ADAMTS18: variants seen among roughly 807,000 people sequenced by gnomAD.
The protein encoded by ADAMTS18 is A disintegrin and metalloproteinase with thrombospondin motifs 18.
A neutral mutation model predicts 165.9 loss-of-function variants in ADAMTS18; 157 were observed. That is an observed-to-expected ratio of 0.95 (90% CI 0.83 to 1.08). ADAMTS18 has a LOEUF of 1.08. ADAMTS18 is among the 50% of genes least tolerant of loss of function. The pLI is 0.00. For synonymous variants in ADAMTS18, 782 were observed against 578.2 expected (o/e 1.35, Z -5.06); for missense variants, 2,040 against 1,534.0 (o/e 1.33, Z -5.51).
chr16:77,312,388 C>T (rs1311780156), intron 16 of ADAMTS18, among the ~76,000 whole-genome samples: 1 of 152,146 alleles, frequency 6.6e-6, no homozygotes, highest in Non-Finnish European at 1.5e-5. Context: ...TAGGCGCCCG[C>T]CACCATGCCC....
At chr16:77,391,785 A>G (rs2057190982) in intron 3 of ADAMTS18, among the ~76,000 whole-genome samples, 2 of 152,206 alleles carry the variant, frequency 1.3e-5, no homozygotes, top group Non-Finnish European at 2.9e-5. Context: ...TTGTTAATGA[A>G]GGGGTCAGGC....
intron 12 of ADAMTS18, among the ~76,000 whole-genome samples, chr16:77,327,996 C>T (rs953991619): frequency 2.4e-4 from 37 of 152,220 alleles, no homozygotes; most frequent in African/African-American, 8.4e-4. Context: ...AGAGGGAAAA[C>T]ATTCTCTTGT....
chr16:77,395,960 G>A (rs1307907354), intron 3 of ADAMTS18, among the ~76,000 whole-genome samples: 1 of 152,138 alleles, frequency 6.6e-6, no homozygotes, highest in Non-Finnish European at 1.5e-5. Flanking sequence ...CTATGAGTCA[G>A]GCAGGGTACC....
At chr16:77,402,071 G>C (rs961312496) in intron 3 of ADAMTS18, among the ~76,000 whole-genome samples, 1 of 152,146 alleles carries the variant, frequency 6.6e-6, no homozygotes, top group Non-Finnish European at 1.5e-5. Flanking sequence ...ATAGTGGCAC[G>C]AGCCAATCCC....
intron 3 of ADAMTS18, among the ~76,000 whole-genome samples, chr16:77,417,009 T>G (rs912655141): frequency 4.6e-5 from 7 of 152,182 alleles, no homozygotes; most frequent in Non-Finnish European, 8.8e-5. Flanking sequence ...ACAGAGGCAG[T>G]TGCTTACATT....
At chr16:77,363,938 G>C (rs2056753804) in intron 5 of ADAMTS18, 53 bp from the exon 6 acceptor site, 1 of 1,543,762 alleles carries the variant, frequency 6.5e-7, no homozygotes, top group Non-Finnish European at 8.9e-7. Context: ...AAACCTTAGG[G>C]GGAATCAATC....
At chr16:77,356,859 C>T (rs887169081) in intron 8 of ADAMTS18, among the ~76,000 whole-genome samples, 4 of 152,016 alleles carry the variant, frequency 2.6e-5, no homozygotes, top group Non-Finnish European at 5.9e-5. Context: ...AATGTGCATA[C>T]CCACATAGGA....
intron 3 of ADAMTS18, among the ~76,000 whole-genome samples, chr16:77,385,410 G>A (rs183845641): frequency 9.4e-4 from 143 of 152,244 alleles, no homozygotes; most frequent in Non-Finnish European, 1.2e-3. Context: ...TAACTAAGCT[G>A]GTGCTGCATA....
intron 16 of ADAMTS18, among the ~76,000 whole-genome samples, chr16:77,306,745 T>A (rs1267809462): frequency 6.6e-6 from 1 of 152,202 alleles, no homozygotes; most frequent in African/African-American, 2.4e-5. Context: ...GCATTGTACA[T>A]GCATTATCTC....
At chr16:77,325,706 TAAACA>T (rs1475504537) in intron 13 of ADAMTS18, among the ~76,000 whole-genome samples, 155 bp downstream of exon 13, 1 of 146,718 alleles carries the variant, frequency 6.8e-6, no homozygotes, top group African/African-American at 2.5e-5. Flanking sequence ...AGTGGAAAAA[TAAACA>T]AAACCCATGG....
Position 77,291,394 on chromosome 16 carries a change from G to GGAAAGTTATCAGCTTTCCCT in ADAMTS18, c.3254_3273dup (p.Pro1092ArgfsTer4). 3.1e-6 allele frequency: 5 copies of GGAAAGTTATCAGCTTTCCCT among 1,614,112 alleles called. No individual in the cohort carries two copies. Among genetic ancestry groups the GGAAAGTTATCAGCTTTCCCT allele is most frequent in the Non-Finnish European group, 4.2e-6 (5 of 1,179,996 alleles). On this transcript the variant is annotated stop_gained and frameshift_variant, in exon 21 of 23. Transcript: ENST00000282849. LOFTEE classifies it high-confidence loss of function. The stretch of plus-strand genomic sequence containing the variant: ...TTAATATTACGGCATCTTCGCTCTG[G>GGAAAGTTATCAGCTTTCCCT]GAAAGTTATCAGCTTTCCCTGGAAG...
intron 9 of ADAMTS18, among the ~76,000 whole-genome samples, chr16:77,355,594 C>A (rs1399969771): frequency 1.3e-5 from 2 of 152,124 alleles, no homozygotes. Flanking sequence ...ATCCTAGAGT[C>A]AGAACAGATC....
chr16:77,397,816 C>A (rs959356375), intron 3 of ADAMTS18, among the ~76,000 whole-genome samples: 1 of 152,162 alleles, frequency 6.6e-6, no homozygotes, highest in African/African-American at 2.4e-5. Flanking sequence ...AACACTTGGA[C>A]CTTGATCCTG....
intron 11 of ADAMTS18, among the ~76,000 whole-genome samples, chr16:77,340,345 T>A (rs759348691): frequency 1.3e-5 from 2 of 152,002 alleles, no homozygotes; most frequent in Non-Finnish European, 2.9e-5. Context: ...CAGCAAATTT[T>A]TGTATTTTTA....
At chr16:77,312,224 A>G (rs771662757) in intron 16 of ADAMTS18, among the ~76,000 whole-genome samples, 6 of 152,120 alleles carry the variant, frequency 3.9e-5, no homozygotes, top group African/African-American at 1.4e-4. Flanking sequence ...TTCCTCAAAA[A>G]AAACTTTTCT....
chr16:77,373,729 A>G (rs550526939), intron 3 of ADAMTS18, among the ~76,000 whole-genome samples: 2 of 152,258 alleles, frequency 1.3e-5, no homozygotes, highest in Admixed American at 6.5e-5. Flanking sequence ...AAAAAATAAC[A>G]TGAAGAAAAT....
At chr16:77,395,363 G>A (rs577080064) in intron 3 of ADAMTS18, among the ~76,000 whole-genome samples, 1 of 152,220 alleles carries the variant, frequency 6.6e-6, no homozygotes, top group South Asian at 2.1e-4. Context: ...TACTCTGTGT[G>A]GCTCCATCAT....
chr16:77,312,095 AC>A (rs1439378572), intron 16 of ADAMTS18, among the ~76,000 whole-genome samples: 2 of 152,094 alleles, frequency 1.3e-5, no homozygotes, highest in African/African-American at 4.8e-5. Context: ...ATTTGTCCTT[AC>A]ATCTTATTTT....
chr16:77,369,577 G>C (rs554509821), intron 3 of ADAMTS18, among the ~76,000 whole-genome samples: 2 of 152,092 alleles, frequency 1.3e-5, no homozygotes, highest in African/African-American at 2.4e-5. Context: ...AACCAATAAC[G>C]AGTTAAGGAG....
Sources: gnomAD v4.1 joint callset for allele counts (sites outside exome capture counted in the v4.1 genomes callset) on GRCh38, gnomAD v4.1.1 for gene constraint, MANE v1.5 for transcripts, NCBI Gene and HGNC (gene_info 2026-07-23, HGNC 2026-07-21) for gene names.